The following SLC2A9 variants were observed in gnomAD, a reference collection of about 807,000 sequenced individuals.
The protein encoded by SLC2A9 is solute carrier family 2, facilitated glucose transporter member 9.
SLC2A9 carries 39 observed loss-of-function variants against 50.6 expected under a neutral mutation model. That is an observed-to-expected ratio of 0.77 (90% CI 0.60 to 1.01). The LOEUF (loss-of-function observed/expected upper bound fraction) is 1.01. Among genes scored for constraint, SLC2A9 ranks in the 50% least tolerant of loss-of-function variants. SLC2A9 has a pLI of 0.00. For synonymous variants in SLC2A9, 324 were observed against 276.9 expected, an observed-to-expected ratio of 1.17 and a Z score of -1.69; for missense variants, 686 against 677.6, an observed-to-expected ratio of 1.01 and a Z score of -0.14.
intron 10 of SLC2A9, among the ~76,000 whole-genome samples, chr4:9,881,936 C>A (rs796886575): frequency 6.6e-6 from 1 of 152,168 alleles, no homozygotes; most frequent in East Asian, 1.9e-4. Flanking sequence ...TGTTGTGTTC[C>A]GCCTCAGTTA....
chr4:9,840,667 G>A (rs1179416968), intron 10 of SLC2A9, among the ~76,000 whole-genome samples: 1 of 152,064 alleles, frequency 6.6e-6, no homozygotes, highest in East Asian at 1.9e-4. Context: ...TGTCTTTTAG[G>A]TGTTTGCCTT....
chr4:9,937,172 G>T (rs1232333816), intron 6 of SLC2A9, among the ~76,000 whole-genome samples: 1 of 152,184 alleles, frequency 6.6e-6, no homozygotes, highest in Admixed American at 6.5e-5. Context: ...AATCTAAAGT[G>T]AGGCTGGTCC....
chr4:9,882,225 T>C (rs183802417), intron 10 of SLC2A9, among the ~76,000 whole-genome samples: 2 of 152,288 alleles, frequency 1.3e-5, no homozygotes, highest in Admixed American at 6.5e-5. Context: ...AACCCCATCC[T>C]GGGAAGATAA....
At chr4:9,925,495 C>A (rs560923990) in intron 6 of SLC2A9, among the ~76,000 whole-genome samples, 1 of 152,254 alleles carries the variant, frequency 6.6e-6, no homozygotes, top group Non-Finnish European at 1.5e-5. Context: ...TCACACCCAG[C>A]CCTGTCTCTG....
At chr4:9,790,233 G>T (rs979931484) in intron 3 of SLC2A9, among the ~76,000 whole-genome samples, 6 of 152,182 alleles carry the variant, frequency 3.9e-5, no homozygotes, top group African/African-American at 1.4e-4. Context: ...TCCTCTCCAG[G>T]TGAAGTATTT....
chr4:9,946,600 G>A (rs1364393274), intron 5 of SLC2A9, among the ~76,000 whole-genome samples: 2 of 152,160 alleles, frequency 1.3e-5, no homozygotes, highest in Non-Finnish European at 2.9e-5. Context: ...AGCTATTTGG[G>A]GGATTAAATG....
chr4:10,028,392 G>A (rs113820384), intron 1 of SLC2A9, among the ~76,000 whole-genome samples: 1,917 of 152,296 alleles, frequency 0.013, 35 homozygotes, highest in African/African-American at 0.044. Context: ...CTGGCTCCTC[G>A]TTTGATTTAA....
chr4:9,808,235 A>G (rs12500086), intron 3 of SLC2A9, among the ~76,000 whole-genome samples: 37,891 of 152,006 alleles, frequency 0.25, 5,231 homozygotes, highest in East Asian at 0.4. Flanking sequence ...TTCTCAGAAA[A>G]CTTGTTTCCA....
intron 1 of SLC2A9, among the ~76,000 whole-genome samples, chr4:10,032,740 C>T (rs1339744826): frequency 1.3e-5 from 2 of 152,156 alleles, no homozygotes; most frequent in African/African-American, 4.8e-5. Context: ...CATTACCCAG[C>T]CCGTGCAGCT....
At chr4:9,941,561 C>A (rs13139970) in intron 6 of SLC2A9, among the ~76,000 whole-genome samples, 8,666 of 152,188 alleles carry the variant, frequency 0.057, 780 homozygotes, top group East Asian at 0.46. Context: ...CCGCCATGCA[C>A]CTAAGCCACT....
intron 8 of SLC2A9, among the ~76,000 whole-genome samples, chr4:9,900,918 C>T (rs1560269511): frequency 1.3e-5 from 2 of 152,146 alleles, no homozygotes; most frequent in Admixed American, 6.5e-5. Context: ...CCCACCGGTC[C>T]CTCCCATGAC....
At chr4:9,970,625 C>T (rs1253524894) in intron 5 of SLC2A9, among the ~76,000 whole-genome samples, 1 of 151,678 alleles carries the variant, frequency 6.6e-6, no homozygotes, top group Non-Finnish European at 1.5e-5. Flanking sequence ...GCTAATACTA[C>T]ATGCTATACT....
intron 10 of SLC2A9, among the ~76,000 whole-genome samples, chr4:9,849,834 T>C (rs923382451): frequency 3.9e-5 from 6 of 151,954 alleles, no homozygotes; most frequent in African/African-American, 9.7e-5. Flanking sequence ...GGAGTTTCTG[T>C]TTCAATAGAG....
intron 5 of SLC2A9, among the ~76,000 whole-genome samples, chr4:9,959,576 A>T (rs1165751807): frequency 6.6e-6 from 1 of 152,184 alleles, no homozygotes; most frequent in East Asian, 1.9e-4. Context: ...TGGAGAGCAG[A>T]CAGGGAGCTT....
At chr4:10,022,730 G>C (rs567192633), upstream of SLC2A9, among the ~76,000 whole-genome samples, 1 of 152,308 alleles carries the variant, frequency 6.6e-6, no homozygotes, top group Admixed American at 6.5e-5. Flanking sequence ...AAAATAAAAG[G>C]TGTGGAGTAC....
chr4:10,015,642 G>A (rs1762494871), intron 2 of SLC2A9, among the ~76,000 whole-genome samples: 1 of 152,178 alleles, frequency 6.6e-6, no homozygotes, highest in Non-Finnish European at 1.5e-5. Flanking sequence ...TGAGTATCTT[G>A]CTCCCTTGCA....
At chr4:9,962,315 C>T (rs936476899) in intron 5 of SLC2A9, among the ~76,000 whole-genome samples, 4 of 152,116 alleles carry the variant, frequency 2.6e-5, no homozygotes, top group Non-Finnish European at 5.9e-5. Flanking sequence ...ATGGAATTAA[C>T]CGAAATGCCT....
chr4:9,977,556 C>A (rs866615427), intron 5 of SLC2A9, among the ~76,000 whole-genome samples: 2 of 147,000 alleles, frequency 1.4e-5, no homozygotes, highest in Admixed American at 6.8e-5. Context: ...CCTCCCCCTC[C>A]CCCTCCCCCT....
chr4:9,880,613 G>A (rs952204166), intron 10 of SLC2A9: 1 of 970,772 alleles, frequency 1.0e-6, no homozygotes, highest in Non-Finnish European at 1.2e-6. Context: ...CAGATATGCA[G>A]ATGAGTCCAA....
Sources: allele counts gnomAD v4.1 joint callset (sites outside exome capture counted in the v4.1 genomes callset), GRCh38; gene constraint gnomAD v4.1.1; transcripts MANE v1.5; gene names NCBI Gene and HGNC (gene_info 2026-07-23, HGNC 2026-07-21).